OXR1: variants seen among roughly 807,000 people sequenced by gnomAD.
OXR1 encodes the protein oxidation resistance protein 1.
OXR1 carries 41 observed loss-of-function variants against 104.6 expected under a neutral mutation model. The observed-to-expected ratio is 0.39, with a 90% confidence interval of 0.31 to 0.51. The LOEUF (loss-of-function observed/expected upper bound fraction) is 0.51, where lower values mean the gene tolerates loss of function less well. Among genes scored for constraint, OXR1 ranks in the 20% least tolerant of loss-of-function variants. The pLI is 0.77. For synonymous variants in OXR1, 348 were observed against 348.4 expected, an observed-to-expected ratio of 1.00 and a Z score of 0.01; for missense variants, 955 against 1,031.9, an observed-to-expected ratio of 0.93 and a Z score of 1.02.
intron 1 of OXR1, among the ~76,000 whole-genome samples, chr8:106,326,962 A>G (rs1024834865): frequency 2.6e-5 from 4 of 152,220 alleles, no homozygotes; most frequent in South Asian, 2.1e-4. Context: ...TACTTCCTTT[A>G]TGAGAGAAAT....
Position 106,679,251 on chromosome 8 carries a change from C to G in OXR1, c.262C>G (p.Arg88Gly), listed in dbSNP as rs751515461. The G allele has an allele frequency of 6.2e-7, 1 of 1,610,088 alleles. No individual in the cohort carries two copies. Among genetic ancestry groups the G allele is most frequent in the Non-Finnish European group, 8.5e-7 (1 of 1,177,210 alleles). Residue 88 changes from arginine (R) to glycine (G), a missense_variant, in exon 4 of 17, where the codon CGA becomes GGA. Arg to Gly is a moderately radical substitution (Grantham distance 125, BLOSUM62 -2). Coordinates refer to ENST00000517566, the MANE Select transcript of OXR1 (RefSeq NM_001198533.2). ...KKTLDKKDGR[R>G]MSFQKPKGTI... ...GACCCTAGACAAGAAAGATGGAAGA[C>G]GAATGTCTTTTCAGAAACCTAAAGG...
chr8:106,528,494 T>C (rs77454879), intron 3 of OXR1, among the ~76,000 whole-genome samples: 6,808 of 152,272 alleles, frequency 0.045, 178 homozygotes, highest in Middle Eastern at 0.068. Flanking sequence ...AGAGAGCCTA[T>C]GGAATTAGGG....
intron 3 of OXR1, among the ~76,000 whole-genome samples, chr8:106,665,286 T>C (rs1455223497): frequency 1.3e-5 from 2 of 152,124 alleles, no homozygotes; most frequent in African/African-American, 4.8e-5. Context: ...CATCTTTGGA[T>C]GTGGGAGGGA....
chr8:106,283,687 A>G (rs1179288616), intron 1 of OXR1, among the ~76,000 whole-genome samples: 1 of 152,224 alleles, frequency 6.6e-6, no homozygotes, highest in Non-Finnish European at 1.5e-5. Context: ...AATTAGATAC[A>G]TACCCATTTT....
intron 1 of OXR1, among the ~76,000 whole-genome samples, chr8:106,297,975 G>A (rs571705480): frequency 2.6e-5 from 4 of 152,316 alleles, no homozygotes; most frequent in Non-Finnish European, 4.4e-5. Flanking sequence ...ACTTTATCCT[G>A]TGGGAGGCAA....
chr8:106,388,009 A>T (rs999464708), intron 2 of OXR1, among the ~76,000 whole-genome samples: 4 of 152,232 alleles, frequency 2.6e-5, no homozygotes, highest in African/African-American at 9.7e-5. Flanking sequence ...TATAAAGCTC[A>T]TATGCTTTCC....
chr8:106,512,663 CA>C (rs961703927), intron 2 of OXR1, among the ~76,000 whole-genome samples: 66 of 151,830 alleles, frequency 4.3e-4, no homozygotes, highest in African/African-American at 1.6e-3. Flanking sequence ...GACCAGATTA[CA>C]AAACTATTAA....
At chr8:106,581,378 A>G in intron 3 of OXR1, 1 of 477,644 alleles carries the variant, frequency 2.1e-6, no homozygotes, top group South Asian at 1.8e-5. Context: ...ATAGAGTATT[A>G]TGCAAATAAT....
chr8:106,469,788 CTGAAAT>C (rs1821385784), intron 2 of OXR1, among the ~76,000 whole-genome samples: 1 of 151,740 alleles, frequency 6.6e-6, no homozygotes, highest in Non-Finnish European at 1.5e-5. Context: ...TTGGTAAAGC[CTGAAAT>C]AGGCATCTGG....
intron 3 of OXR1, among the ~76,000 whole-genome samples, chr8:106,659,301 G>T (rs1825503351): frequency 6.6e-6 from 1 of 152,118 alleles, no homozygotes; most frequent in Admixed American, 6.5e-5. Context: ...GGACATTTTT[G>T]ATCTATGTGT....
intron 3 of OXR1, among the ~76,000 whole-genome samples, chr8:106,633,237 CA>C (rs1211009988): frequency 6.6e-6 from 1 of 151,350 alleles, no homozygotes; most frequent in Non-Finnish European, 1.5e-5. Flanking sequence ...ATCAAAAAAA[CA>C]AAACAAAACA....
intron 3 of OXR1, among the ~76,000 whole-genome samples, chr8:106,611,570 G>A (rs1039774445): frequency 6.6e-6 from 1 of 152,270 alleles, no homozygotes; most frequent in African/African-American, 2.4e-5. Context: ...ATAGACCCTG[G>A]AGAACCAGAA....
rs7812980 is a variant in OXR1, at chr8:106,551,860, A to G, written c.220+32721A>G. Among the ~76,000 whole-genome samples, 1,200 of 126,538 alleles carry G rather than the reference A, an allele frequency of 9.5e-3. 22 individuals carry two copies. Among genetic ancestry groups the G allele is most frequent in the Admixed American group, 0.041 (489 of 11,916 alleles). The allele number at this position is 126,538 out of a possible 152,430, so 83.0% of individuals were successfully genotyped here. A position where few individuals can be genotyped will look rare whatever the true frequency, so the allele number is the denominator to read the frequency against. ...TATGTGTACATATATGTGTATATAT[A>G]TGTGTGTGTGTGTGTGTGTGTGTGT... is the stretch of plus-strand genomic sequence containing the variant. On this transcript the variant is annotated intron_variant, in intron 3 of 16. Transcript: ENST00000517566.
At chr8:106,488,758 G>C (rs1388498307) in intron 2 of OXR1, among the ~76,000 whole-genome samples, 1 of 145,624 alleles carries the variant, frequency 6.9e-6, no homozygotes, top group African/African-American at 2.6e-5. Context: ...ATTTCTGAGG[G>C]CTCTGTTCTG....
At chr8:106,514,325 C>T (rs1812728518) in intron 2 of OXR1, among the ~76,000 whole-genome samples, 1 of 152,076 alleles carries the variant, frequency 6.6e-6, no homozygotes, top group Non-Finnish European at 1.5e-5. Context: ...TAGCATTTAA[C>T]GGGTTTCCTT....
chr8:106,729,752 A>G (rs1263758173), intron 11 of OXR1: 2 of 152,268 alleles, frequency 1.3e-5, no homozygotes, highest in Non-Finnish European at 2.9e-5. Flanking sequence ...CATTTAAAGA[A>G]ATTTAATAGC....
In OXR1 at chr8:106,481,520, T is replaced by G. The variant is rs1822115094; in HGVS notation, c.24-37423T>G. On this transcript the variant is annotated intron_variant, in intron 2 of 16. Transcript: ENST00000517566. ...AACATCTGACTGGCTGCTTTCTATG[T>G]GAGCAGGACTTGATTGAAATTGAGG... 2.0e-5 allele frequency among the ~76,000 whole-genome samples: 3 copies of G among 152,054 alleles called. No homozygotes were observed. In the South Asian group the frequency reaches 6.2e-4, roughly 32 times the overall value.
chr8:106,384,941 C>T (rs2130425479), intron 2 of OXR1, among the ~76,000 whole-genome samples: 1 of 152,184 alleles, frequency 6.6e-6, no homozygotes, highest in East Asian at 1.9e-4. Flanking sequence ...TCTTGAACTC[C>T]TGGACTCAAG....
At chr8:106,664,355 G>A (rs1187574312) in intron 3 of OXR1, among the ~76,000 whole-genome samples, 2 of 152,176 alleles carry the variant, frequency 1.3e-5, no homozygotes, top group African/African-American at 4.8e-5. Context: ...ATTCTGTGTG[G>A]CTGAGAATTT....
Sources: allele counts gnomAD v4.1 joint callset (sites outside exome capture counted in the v4.1 genomes callset), GRCh38; gene constraint gnomAD v4.1.1; transcripts MANE v1.5; gene names NCBI Gene and HGNC (gene_info 2026-07-23, HGNC 2026-07-21).